SLC4A8: variants seen among roughly 807,000 people sequenced by gnomAD.
SLC4A8 encodes the protein electroneutral sodium bicarbonate exchanger 1.
A neutral mutation model predicts 125.0 loss-of-function variants in SLC4A8; 40 were observed. The observed-to-expected ratio is 0.32, with a 90% CI of 0.25 to 0.42. The LOEUF (loss-of-function observed/expected upper bound fraction) is 0.42. SLC4A8 is among the 10% of genes least tolerant of loss of function. SLC4A8 has a pLI of 1.00. For missense variants in SLC4A8, 863 were observed against 1,355.1 expected (o/e 0.64, Z 5.70); for synonymous variants, 456 against 476.0 (o/e 0.96, Z 0.55).
At chr12:51,481,584 G>A (rs1951027415) in intron 16 of SLC4A8, among the ~76,000 whole-genome samples, 1 of 152,100 alleles carries the variant, frequency 6.6e-6, no homozygotes, top group African/African-American at 2.4e-5. Context: ...GGCAGGACTA[G>A]GGGATGGGAG....
chr12:51,442,341 T>A (rs1484696490), intron 2 of SLC4A8, among the ~76,000 whole-genome samples: 1 of 152,224 alleles, frequency 6.6e-6, no homozygotes, highest in African/African-American at 2.4e-5. Flanking sequence ...CCTGGGGGCA[T>A]GTTGCTGTCA....
upstream of SLC4A8, chr12:51,420,140 C>T (rs1948755409): frequency 1.3e-5 from 2 of 152,246 alleles, no homozygotes; most frequent in South Asian, 4.1e-4. Context: ...ACAGCACGAA[C>T]AAGCCCTAAT....
At position 51,463,681 on chromosome 12, in the gene SLC4A8, G is replaced by A; in HGVS notation, c.1316G>A (p.Gly439Asp). 1 of 1,613,994 alleles carries A rather than the reference G, an allele frequency of 6.2e-7. No homozygotes were observed. Among genetic ancestry groups the A allele is most frequent in the Non-Finnish European group, 8.5e-7 (1 of 1,179,874 alleles). The change falls in exon 11 of 25, where the codon GGT (glycine) becomes GAT (aspartate). Residue 439 changes from glycine to aspartate, a missense_variant. Gly to Asp is a moderately conservative substitution (Grantham distance 94). Transcript: ENST00000453097. ...CACATAGAACAGGAACCACATGGGG[G>A]TCACAGTGGGCCAGAACTTCAGCGC... The part of the protein sequence containing the change: ...VCHIEQEPHG[G>D]HSGPELQRTG...
rs546125046 is a variant in SLC4A8 at position 51,449,499 on chromosome 12, G to A, written c.131-1377G>A. Among the ~76,000 whole-genome samples the A allele has an allele frequency of 3.9e-5, 6 of 152,238 alleles. No individual in the cohort carries two copies. The South Asian group carries it at 1.2e-3, about 32-fold the overall frequency. On this transcript the variant is annotated intron_variant, in intron 2 of 24. Coordinates refer to ENST00000453097, the MANE Select transcript of SLC4A8 (RefSeq NM_001039960.3). ...CAGGAAGGAATGTGGATAAGGTTGTGGATTTGAAGACAGTGGCTAAGGATT... is the reference window on the plus strand; with the variant it reads ...CAGGAAGGAATGTGGATAAGGTTGTAGATTTGAAGACAGTGGCTAAGGATT...
chr12:51,465,998 A>G (rs1396732966), intron 11 of SLC4A8, among the ~76,000 whole-genome samples: 1 of 152,200 alleles, frequency 6.6e-6, no homozygotes, highest in Non-Finnish European at 1.5e-5. Context: ...TATGCTTGTC[A>G]TGTTGCACAA....
In SLC4A8 at chr12:51,425,522, A is replaced by C. The variant is rs943537047; in HGVS notation, c.48+487A>C. The C allele has an allele frequency of 2.1e-5, 16 of 759,876 alleles. No individual in the cohort carries two copies. The Admixed American group carries it at 5.0e-4, about 24-fold the overall frequency. The allele number at this position is 759,876 out of a possible 1,614,324, so 47.1% of individuals were successfully genotyped here. A position where few individuals can be genotyped will look rare whatever the true frequency, so the allele number is the denominator to read the frequency against. On this transcript the variant is annotated intron_variant, in intron 1 of 24. Transcript: ENST00000453097. The stretch of plus-strand genomic sequence containing the variant: ...CTGGAGGCTGGGACCAATCCCTGAT[A>C]GGGTGACCCGGTTTGTGACTCCCTC...
At chr12:51,469,069 A>G (rs370655431) in intron 11 of SLC4A8, 1 of 152,978 alleles carries the variant, frequency 6.5e-6, no homozygotes, top group African/African-American at 2.4e-5. Flanking sequence ...AGGGCTGTTC[A>G]TGTCTTGCTC....
At chr12:51,420,466 T>C (rs906386921), upstream of SLC4A8, among the ~76,000 whole-genome samples, 1 of 152,222 alleles carries the variant, frequency 6.6e-6, no homozygotes, top group Non-Finnish European at 1.5e-5. Flanking sequence ...TAGAAGAATC[T>C]CAATGTCTTT....
At chr12:51,440,425 TA>T (rs1323899740) in intron 1 of SLC4A8, among the ~76,000 whole-genome samples, 35 of 135,964 alleles carry the variant, frequency 2.6e-4, no homozygotes, top group South Asian at 4.8e-4. Flanking sequence ...TTTTTTTTTT[TA>T]AAAGACCTAG....
At chr12:51,498,903 G>A (rs1043479740) in intron 22 of SLC4A8, among the ~76,000 whole-genome samples, 1 of 109,336 alleles carries the variant, frequency 9.1e-6, no homozygotes, top group Non-Finnish European at 1.8e-5. Flanking sequence ...AAAAAAAGAG[G>A]CTGGATGTGG....
intron 1 of SLC4A8, among the ~76,000 whole-genome samples, chr12:51,411,201 G>A (rs1948591325): frequency 6.6e-6 from 1 of 151,722 alleles, no homozygotes; most frequent in African/African-American, 2.4e-5. Context: ...CCTTCCCTAT[G>A]CAATAATTTG....
chr12:51,467,342 C>T (rs1211542272), intron 11 of SLC4A8: 1 of 152,274 alleles, frequency 6.6e-6, no homozygotes, highest in East Asian at 1.9e-4. Context: ...GGCTTTGCTT[C>T]TCTTCCCTAA....
chr12:51,393,883 C>T (rs539060026), intron 1 of SLC4A8, among the ~76,000 whole-genome samples: 1 of 152,208 alleles, frequency 6.6e-6, no homozygotes, highest in Non-Finnish European at 1.5e-5. Context: ...ACCTCACTGC[C>T]CCAGCTGCTT....
At chr12:51,401,908 A>G (rs1168016246) in intron 1 of SLC4A8, among the ~76,000 whole-genome samples, 2 of 151,458 alleles carry the variant, frequency 1.3e-5, no homozygotes, top group African/African-American at 4.8e-5. Flanking sequence ...GGGAGTACAG[A>G]CATGTGCAAC....
At position 51,451,217 on chromosome 12, in the gene SLC4A8, G is replaced by A. The variant is rs1350197228; in HGVS notation, c.277+195G>A. Among the ~76,000 whole-genome samples the A allele has an allele frequency of 4.6e-5, 7 of 152,262 alleles. No homozygotes were observed. In the East Asian group the frequency reaches 9.6e-4, roughly 21 times the overall value. On this transcript the variant is annotated intron_variant, in intron 3 of 24. Transcript: ENST00000453097. ...AAAACTTCACAGTTCCGGGCGGCTGGGACTACAGGCGCCCGCCACCACGCC... is the reference window on the plus strand; with the variant it reads ...AAAACTTCACAGTTCCGGGCGGCTGAGACTACAGGCGCCCGCCACCACGCC...
intron 11 of SLC4A8, among the ~76,000 whole-genome samples, chr12:51,464,454 G>T (rs577207312): frequency 6.6e-6 from 1 of 152,280 alleles, no homozygotes; most frequent in East Asian, 1.9e-4. Context: ...ACATTTTAAG[G>T]ACAGATGTCC....
intron 21 of SLC4A8, among the ~76,000 whole-genome samples, chr12:51,495,673 G>A (rs941464924): frequency 6.6e-6 from 1 of 151,480 alleles, no homozygotes; most frequent in East Asian, 1.9e-4. Flanking sequence ...GTAGAGACGG[G>A]GTTTCACTGT....
intron 16 of SLC4A8, among the ~76,000 whole-genome samples, chr12:51,476,065 G>GTA (rs1950845433): frequency 6.6e-6 from 1 of 152,212 alleles, no homozygotes; most frequent in Non-Finnish European, 1.5e-5. Flanking sequence ...TTTTACCACA[G>GTA]TATACCAAGC....
At chr12:51,397,006 T>C (rs1948276852) in intron 1 of SLC4A8, among the ~76,000 whole-genome samples, 1 of 139,438 alleles carries the variant, frequency 7.2e-6, no homozygotes, top group African/African-American at 2.7e-5. Context: ...CTCAGCTCAC[T>C]GCAACCTCCA....
Sources: allele counts gnomAD v4.1 joint callset (sites outside exome capture counted in the v4.1 genomes callset), GRCh38; gene constraint gnomAD v4.1.1; transcripts MANE v1.5; gene names NCBI Gene and HGNC (gene_info 2026-07-23, HGNC 2026-07-21).